The following DOT1L variants were observed in gnomAD, a reference collection of about 807,000 sequenced individuals.
DOT1L encodes the protein histone-lysine N-methyltransferase, H3 lysine-79 specific.
A neutral mutation model predicts 153.3 loss-of-function variants in DOT1L; 33 were observed. The ratio of observed to expected loss-of-function variants is 0.22; its 90% CI spans 0.16 to 0.29. The LOEUF (loss-of-function observed/expected upper bound fraction) is 0.29. Ranked by LOEUF, DOT1L falls within the 10% of genes least tolerant of loss-of-function variation. The pLI is 1.00. For missense variants in DOT1L, 1,847 were observed against 2,119.9 expected (o/e 0.87, Z 2.53); for synonymous variants, 1,135 against 965.1 (o/e 1.18, Z -3.26).
Position 2,207,521 on chromosome 19 carries a change from A to G in DOT1L, c.857-53A>G. 2.0e-6 allele frequency: 3 copies of G among 1,521,242 alleles called. No homozygotes were observed. Among genetic ancestry groups the G allele is most frequent in the Non-Finnish European group, 2.7e-6 (3 of 1,116,968 alleles). The allele number at this position is 1,521,242 out of a possible 1,614,324, so 94.2% of individuals were successfully genotyped here. On this transcript the variant is annotated intron_variant, in intron 10 of 27. Transcript: ENST00000398665. The surrounding 1 kb of genome is among the most constrained non-coding windows in gnomAD (Gnocchi z 4.5). Reference sequence around the variant, plus strand: ...CTGCCCTGGGGTGGGTGAGGTCTGCATGGAGGGGCTGTGGGCAGGCGCAGG... The same window carrying G: ...CTGCCCTGGGGTGGGTGAGGTCTGCGTGGAGGGGCTGTGGGCAGGCGCAGG...
At chr19:2,167,717 T>C (rs1380986016) in intron 1 of DOT1L, among the ~76,000 whole-genome samples, 1 of 150,714 alleles carries the variant, frequency 6.6e-6, no homozygotes, top group Non-Finnish European at 1.5e-5. Flanking sequence ...GGGGTGGTTC[T>C]GATTTTCTTT....
chr19:2,194,154 TTTG>T (rs1468729671), intron 6 of DOT1L, among the ~76,000 whole-genome samples: 9 of 151,328 alleles, frequency 5.9e-5, no homozygotes, highest in Admixed American at 2.6e-4. Context: ...GCTCTGAGAG[TTTG>T]TTGTTGTTTT....
chr19:2,192,378 T>C (rs756470254), intron 5 of DOT1L, among the ~76,000 whole-genome samples: 4 of 152,316 alleles, frequency 2.6e-5, no homozygotes, highest in Middle Eastern at 3.4e-3. Flanking sequence ...ATAAAAAGAA[T>C]GTGTATCGTC....
intron 19 of DOT1L, chr19:2,215,970 C>T (rs1201579482): frequency 3.2e-6 from 1 of 312,008 alleles, no homozygotes; most frequent in East Asian, 6.2e-5. Flanking sequence ...ACAGGTTTTA[C>T]ACTTAGTGAA....
At position 2,193,497 on chromosome 19, in the gene DOT1L, G is replaced by A. The variant is rs552228806; in HGVS notation, c.494-192G>A. Among the ~76,000 whole-genome samples the A allele has an allele frequency of 2.0e-5, 3 of 152,310 alleles. No individual in the cohort carries two copies. The South Asian group carries it at 6.2e-4, about 32-fold the overall frequency. ...CGTTGTGATGACCGTCCCCTCGTGGGGGCTCTGTCAGGGGCCTGGTCTCTG... is the reference window on the plus strand; with the variant it reads ...CGTTGTGATGACCGTCCCCTCGTGGAGGCTCTGTCAGGGGCCTGGTCTCTG... On this transcript the variant is annotated intron_variant, in intron 5 of 27. Transcript: ENST00000398665. This position sits in a 1 kb window ranked among gnomAD's most constrained non-coding sequence, Gnocchi z 5.9.
At chr19:2,229,387 A>AGAG in intron 27 of DOT1L, 6 of 985,448 alleles carry the variant, frequency 6.1e-6, no homozygotes, top group Non-Finnish European at 7.2e-6. Context: ...CCGGGCAAGG[A>AGAG]GAGGAGGACT....
chr19:2,175,382 C>T (rs923801470), intron 1 of DOT1L, among the ~76,000 whole-genome samples: 1 of 152,120 alleles, frequency 6.6e-6, no homozygotes, highest in African/African-American at 2.4e-5. Context: ...TTCACTGTGG[C>T]CTCAAACTCC....
chr19:2,187,644 T>C lies in DOT1L; in HGVS notation c.200+1715T>C, dbSNP rs555647938. Among the ~76,000 whole-genome samples the C allele has an allele frequency of 4.5e-4, 68 of 152,154 alleles. 1 individual carries two copies. The highest frequency in any genetic ancestry group is 1.0e-3 in the Admixed American group (16 of 15,284). On this transcript the variant is annotated intron_variant, in intron 3 of 27. Transcript: ENST00000398665. Reference sequence around the variant, plus strand: ...CGTGTAGAAGTGGAAACACAGGGGCTGGGCACCGTGGCTCACACCTGTAAT... The same window carrying C: ...CGTGTAGAAGTGGAAACACAGGGGCCGGGCACCGTGGCTCACACCTGTAAT...
In DOT1L at chr19:2,226,348, G is replaced by A. The variant is rs1358981741; in HGVS notation, c.3827G>A (p.Arg1276Gln). The change falls in exon 27 of 28, where the codon CGG becomes CAG. Residue 1276 changes from arginine to glutamine, a missense_variant. Physicochemically the swap from Arg to Gln is conservative, Grantham distance 43 (BLOSUM62 1). Coordinates refer to ENST00000398665, the MANE Select transcript of DOT1L (RefSeq NM_032482.3). Reference sequence around the variant, plus strand: ...AGCCAGAACTCCCTGTTCACGTTCCGGCCCGCCCTGGAGGAGCCCTCTGCC... The same window carrying A: ...AGCCAGAACTCCCTGTTCACGTTCCAGCCCGCCCTGGAGGAGCCCTCTGCC... ...ALSQNSLFTFRPALEEPSADA... is the reference protein window; with the variant it reads ...ALSQNSLFTFQPALEEPSADA... 6.3e-7 allele frequency: 1 copy of A among 1,592,334 alleles called. No homozygotes were observed. The highest frequency in any genetic ancestry group is 2.3e-5 in the East Asian group (1 of 44,238).
intron 18 of DOT1L, chr19:2,214,258 G>A: frequency 1.1e-6 from 1 of 877,332 alleles, no homozygotes; most frequent in Non-Finnish European, 1.7e-6. Flanking sequence ...TCCCACCATC[G>A]TGGTGTGGGT....
In DOT1L at chr19:2,213,957, C is replaced by T. The variant is rs371142941; in HGVS notation, c.1768C>T (p.Arg590Cys). 1.4e-5 allele frequency: 22 copies of T among 1,612,704 alleles called. No homozygotes were observed. The highest frequency in any genetic ancestry group is 4.0e-5 in the African/African-American group (3 of 74,950). The change falls in exon 18 of 28, where the codon CGC becomes TGC. Residue 590 changes from arginine to cysteine, a missense_variant. Arg to Cys is a radical substitution (Grantham distance 180). Around this residue, in one of 8 missense-constraint regions of DOT1L, gnomAD observed 156 missense variants for 235.7 expected, o/e 0.66. Transcript: ENST00000398665. Reference protein sequence around the residue: ...EQSEQLEQDNRALRGQSLQLL... With the variant: ...EQSEQLEQDNCALRGQSLQLL... ...GTCGGAGCAGCTGGAGCAGGACAAC[C>T]GCGCGCTCCGCGGCCAGAGCTTGCA...
intron 5 of DOT1L, among the ~76,000 whole-genome samples, chr19:2,192,668 G>T (rs1293383641): frequency 8.4e-6 from 1 of 119,546 alleles, no homozygotes. Flanking sequence ...GTGAGACTCC[G>T]TCTCAAAAAA....
rs552929978 is a variant in DOT1L, at chr19:2,191,443, G to A, written c.493+203G>A. 431 of 611,122 alleles carry A rather than the reference G, an allele frequency of 7.1e-4. No individual in the cohort carries two copies. The highest frequency in any genetic ancestry group is 1.1e-3 in the Non-Finnish European group (393 of 348,984). 37.9% of individuals were successfully genotyped at this position (611,122 alleles called of 1,614,324 possible). ...GGGCTCCACCCAGAGGGGAGAAATC[G>A]CAGGAACCCAGTGGCTCCCAGACCA... On this transcript the variant is annotated intron_variant, in intron 5 of 27. Coordinates refer to ENST00000398665, the MANE Select transcript of DOT1L (RefSeq NM_032482.3). This position sits in a 1 kb window ranked among gnomAD's most constrained non-coding sequence, Gnocchi z 6.8.
chr19:2,209,083 C>A (rs999857671), intron 12 of DOT1L, 107 bp downstream of exon 12: 2 of 1,301,420 alleles, frequency 1.5e-6, no homozygotes, highest in Non-Finnish European at 1.1e-6. Context: ...GGAGCACAGC[C>A]CTGCCGCCCC....
chr19:2,193,555 T>G lies in DOT1L; in HGVS notation c.494-134T>G, dbSNP rs2022888174. 1 of 708,002 alleles carries G rather than the reference T, an allele frequency of 1.4e-6. No individual in the cohort carries two copies. Among genetic ancestry groups the G allele is most frequent in the South Asian group, 1.9e-5 (1 of 53,834 alleles). 43.9% of individuals were successfully genotyped at this position (708,002 alleles called of 1,614,324 possible). A position where few individuals can be genotyped will look rare whatever the true frequency, so the allele number is the denominator to read the frequency against. On this transcript the variant is annotated intron_variant, in intron 5 of 27. Coordinates refer to ENST00000398665, the MANE Select transcript of DOT1L (RefSeq NM_032482.3). This position sits in a 1 kb window ranked among gnomAD's most constrained non-coding sequence, Gnocchi z 5.9. ...TCCTGAGTGACCTTGGAGCATCGGA[T>G]ATGTGTGGAGACTGTGGCCTCCCCT... is the stretch of plus-strand genomic sequence containing the variant.
chr19:2,171,706 G>A (rs2021637400), intron 1 of DOT1L, among the ~76,000 whole-genome samples: 1 of 152,220 alleles, frequency 6.6e-6, no homozygotes, highest in South Asian at 2.1e-4. Context: ...GACCATGCAT[G>A]TCCGGCAGGC....
At chr19:2,167,385 C>T (rs546167294) in intron 1 of DOT1L, among the ~76,000 whole-genome samples, 1 of 152,350 alleles carries the variant, frequency 6.6e-6, no homozygotes, top group African/African-American at 2.4e-5. Flanking sequence ...GTGAAGGCAG[C>T]CCTGGTGTCC....
intron 7 of DOT1L, among the ~76,000 whole-genome samples, chr19:2,198,493 G>A (rs2023111260): frequency 6.6e-6 from 1 of 152,210 alleles, no homozygotes; most frequent in African/African-American, 2.4e-5. Context: ...TCCGGGCCCG[G>A]GGGGGTGTCC....
At position 2,202,920 on chromosome 19, in the gene DOT1L, T is replaced by C; in HGVS notation, c.787+141T>C. 4.0e-6 allele frequency: 3 copies of C among 747,082 alleles called. No individual in the cohort carries two copies. In the East Asian group the frequency reaches 7.9e-5, roughly 20 times the overall value. The allele number at this position is 747,082 out of a possible 1,614,324, so 46.3% of individuals were successfully genotyped here. ...CTTGGAGCCAGGTGGTCTTCCTTTATGCTTTTTTTTCTTTTTTTATTGAGA... is the reference window on the plus strand; with the variant it reads ...CTTGGAGCCAGGTGGTCTTCCTTTACGCTTTTTTTTCTTTTTTTATTGAGA... On this transcript the variant is annotated intron_variant, in intron 9 of 27. Coordinates refer to ENST00000398665, the MANE Select transcript of DOT1L (RefSeq NM_032482.3).
Sources: allele counts gnomAD v4.1 joint callset (sites outside exome capture counted in the v4.1 genomes callset), GRCh38; gene constraint gnomAD v4.1.1; regional missense constraint gnomAD v4.1.1; non-coding constraint Gnocchi (gnomAD v3.1); transcripts MANE v1.5; gene names NCBI Gene and HGNC (gene_info 2026-07-23, HGNC 2026-07-21).